Variants in CEP85L observed in about 807,000 individuals in gnomAD.
CEP85L encodes centrosomal protein 85L.
CEP85L carries 60 observed loss-of-function variants against 100.3 expected under a neutral mutation model. That is an observed-to-expected ratio of 0.60 (90% CI 0.49 to 0.74). The LOEUF is 0.74. Among genes scored for constraint, CEP85L ranks in the 30% least tolerant of loss-of-function variants. The pLI, the probability that CEP85L is intolerant of heterozygous loss-of-function variation, is 0.00. For missense variants in CEP85L, 973 were observed against 936.2 expected, an observed-to-expected ratio of 1.04 and a Z score of -0.51; for synonymous variants, 319 against 322.7, an observed-to-expected ratio of 0.99 and a Z score of 0.12.
upstream of CEP85L, among the ~76,000 whole-genome samples, chr6:118,653,589 C>T (rs1775669275): frequency 6.6e-6 from 1 of 152,062 alleles, no homozygotes; most frequent in Non-Finnish European, 1.5e-5. Flanking sequence ...ATTACTAAAC[C>T]CCATGTGGTA....
chr6:118,490,447 A>C (rs1034541745), intron 6 of CEP85L, among the ~76,000 whole-genome samples: 10 of 152,338 alleles, frequency 6.6e-5, no homozygotes, highest in African/African-American at 2.2e-4. Context: ...CCTTTGCGCT[A>C]TCAAGAATGG....
chr6:118,520,855 T>G (rs1430453750), intron 4 of CEP85L, among the ~76,000 whole-genome samples: 1 of 152,216 alleles, frequency 6.6e-6, no homozygotes, highest in South Asian at 2.1e-4. Flanking sequence ...TAAATGGTTA[T>G]AGTGGCAAAT....
chr6:118,593,040 A>C (rs1009820260), intron 2 of CEP85L, among the ~76,000 whole-genome samples: 1 of 152,246 alleles, frequency 6.6e-6, no homozygotes, highest in East Asian at 1.9e-4. Context: ...GAAACCATTC[A>C]GCAAAGTAAA....
intron 3 of CEP85L, among the ~76,000 whole-genome samples, chr6:118,542,685 C>G (rs929356525): frequency 6.6e-6 from 1 of 151,864 alleles, no homozygotes; most frequent in African/African-American, 2.4e-5. Context: ...CCTTGACCAA[C>G]CTTCAACCAC....
chr6:118,586,348 A>C (rs1180080696), intron 2 of CEP85L, among the ~76,000 whole-genome samples: 6 of 152,214 alleles, frequency 3.9e-5, no homozygotes, highest in African/African-American at 7.2e-5. Flanking sequence ...GAGCTAGTTA[A>C]GCATGTAACC....
intron 2 of CEP85L, among the ~76,000 whole-genome samples, chr6:118,598,319 A>G (rs956057060): frequency 6.6e-6 from 1 of 152,172 alleles, no homozygotes; most frequent in Non-Finnish European, 1.5e-5. Context: ...TTAACCACGT[A>G]GTGTGTATAG....
At chr6:118,640,619 G>T (rs772312743) in intron 1 of CEP85L, among the ~76,000 whole-genome samples, 2 of 152,122 alleles carry the variant, frequency 1.3e-5, no homozygotes, top group Middle Eastern at 3.2e-3. Context: ...TCATCCCCCA[G>T]GTTCAAGAGA....
intron 2 of CEP85L, among the ~76,000 whole-genome samples, chr6:118,584,269 G>A (rs1260788105): frequency 6.6e-6 from 1 of 152,210 alleles, no homozygotes; most frequent in African/African-American, 2.4e-5. Flanking sequence ...CCTCAGTGAA[G>A]TACACCTAGG....
At chr6:118,590,900 C>T (rs879694802) in intron 2 of CEP85L, among the ~76,000 whole-genome samples, 6 of 152,100 alleles carry the variant, frequency 3.9e-5, no homozygotes, top group Non-Finnish European at 5.9e-5. Context: ...TTATTTAAAC[C>T]GGCGAGACAA....
chr6:118,511,383 C>T lies in CEP85L; in HGVS notation c.1172G>A (p.Arg391Lys), dbSNP rs943888847. 9 of 1,612,800 alleles carry T rather than the reference C, an allele frequency of 5.6e-6. No individual in the cohort carries two copies. The highest frequency in any genetic ancestry group is 1.7e-5 in the Admixed American group (1 of 59,932). Residue 391 changes from arginine (R) to lysine (K), a missense_variant, in exon 5 of 13, where the codon AGG becomes AAG. Physicochemically the swap from Arg to Lys is conservative, Grantham distance 26. Around this residue, in one of 3 missense-constraint regions of CEP85L, gnomAD observed 890 missense variants for 844.5 expected, o/e 1.05. Coordinates refer to ENST00000368491, the MANE Select transcript of CEP85L (RefSeq NM_001042475.3). ...AGCCCGTAATTCATTATCCCTTATCCTCTCATGCAGGTGGGTAATTTGTTG... is the reference window on the plus strand; with the variant it reads ...AGCCCGTAATTCATTATCCCTTATCTTCTCATGCAGGTGGGTAATTTGTTG... ...QKQQITHLHE[R>K]IRDNELRAQH...
intron 2 of CEP85L, among the ~76,000 whole-genome samples, chr6:118,619,333 A>C (rs1773287032): frequency 6.6e-6 from 1 of 152,188 alleles, no homozygotes; most frequent in Non-Finnish European, 1.5e-5. Context: ...GGGAAGTATT[A>C]ATTATAACAC....
chr6:118,535,591 T>G (rs1343372828), intron 3 of CEP85L, among the ~76,000 whole-genome samples: 1 of 152,204 alleles, frequency 6.6e-6, no homozygotes, highest in Non-Finnish European at 1.5e-5. Flanking sequence ...AGTAGTGTGA[T>G]GAAATCCCAC....
intron 4 of CEP85L, among the ~76,000 whole-genome samples, 172 bp downstream of exon 4, chr6:118,523,630 G>A (rs1363594996): frequency 6.6e-6 from 1 of 152,162 alleles, no homozygotes; most frequent in East Asian, 1.9e-4. Flanking sequence ...TAAACCATCA[G>A]TTCTAACAGT....
Position 118,558,660 on chromosome 6 carries a change from CAGAGAG to C in CEP85L, c.1020+6863_1020+6868del, listed in dbSNP as rs369698272. Among the ~76,000 whole-genome samples the C allele has an allele frequency of 5.1e-3, 621 of 122,262 alleles. 3 individuals carry two copies. Among genetic ancestry groups the C allele is most frequent in the Admixed American group, 8.8e-3 (104 of 11,798 alleles). The allele number at this position is 122,262 out of a possible 152,430, so 80.2% of individuals were successfully genotyped here. On this transcript the variant is annotated intron_variant, in intron 3 of 12. Transcript: ENST00000368491. The stretch of plus-strand genomic sequence containing the variant: ...ACACACACACACACACACACACACA[CAGAGAG>C]AGAGAGAGAGAGAGAGAGAGAGGGA...
intron 5 of CEP85L, among the ~76,000 whole-genome samples, chr6:118,500,399 G>GGA (rs767747353): frequency 4.8e-4 from 27 of 56,628 alleles, no homozygotes; most frequent in Non-Finnish European, 9.6e-4. Flanking sequence ...GGTTTCCTGA[G>GGA]GACCATCACT....
intron 2 of CEP85L, 23 bp downstream of exon 2, chr6:118,632,430 A>G: frequency 1.3e-6 from 2 of 1,563,500 alleles, no homozygotes; most frequent in South Asian, 1.2e-5. Flanking sequence ...ATTCATATAT[A>G]AACAATAAGA....
intron 10 of CEP85L, among the ~76,000 whole-genome samples, chr6:118,473,428 C>A (rs992675079): frequency 9.2e-5 from 14 of 152,026 alleles, no homozygotes; most frequent in African/African-American, 3.1e-4. Context: ...CAGATGGTGT[C>A]TTCTGTGTTT....
intron 1 of CEP85L, among the ~76,000 whole-genome samples, chr6:118,639,381 C>CT (rs894335840): frequency 6.6e-6 from 1 of 152,156 alleles, no homozygotes; most frequent in African/African-American, 2.4e-5. Flanking sequence ...ATTCAAACTC[C>CT]TTAAGTTAGG....
chr6:118,650,664 T>A (rs1415717292), intron 1 of CEP85L, among the ~76,000 whole-genome samples: 1 of 152,074 alleles, frequency 6.6e-6, no homozygotes, highest in East Asian at 1.9e-4. Flanking sequence ...TCTGGCAGCA[T>A]CCTCCCTCCC....
Sources: gnomAD v4.1 joint callset for allele counts (sites outside exome capture counted in the v4.1 genomes callset) on GRCh38, gnomAD v4.1.1 for gene constraint, gnomAD v4.1.1 regional missense constraint, MANE v1.5 for transcripts, NCBI Gene and HGNC (gene_info 2026-07-23, HGNC 2026-07-21) for gene names.